Variants in CUZD1 observed in about 807,000 individuals in gnomAD.
CUZD1 encodes the protein CUB and zona pellucida like domains 1, also known as CUB and zona pellucida-like domain-containing protein 1.
CUZD1 carries 42 observed loss-of-function variants against 53.1 expected under a neutral mutation model. The ratio of observed to expected loss-of-function variants is 0.79; its 90% confidence interval spans 0.62 to 1.02. The LOEUF is 1.02. Ranked by LOEUF, CUZD1 falls within the 50% of genes least tolerant of loss-of-function variation. The pLI, the probability that CUZD1 is intolerant of heterozygous loss-of-function variation, is 0.00. For synonymous variants in CUZD1, 238 were observed against 257.2 expected (o/e 0.93, Z 0.71); for missense variants, 670 against 715.7 (o/e 0.94, Z 0.73).
intron 4 of CUZD1, 84 bp from the exon 5 acceptor site, chr10:122,837,132 G>C: frequency 9.0e-7 from 1 of 1,117,308 alleles, no homozygotes. Context: ...CTACTCTTAA[G>C]TGATTATGGA....
rs189458256 is a variant in CUZD1, at chr10:122,839,478, G to A, written c.234-247C>T. On this transcript the variant is annotated intron_variant, in intron 2 of 8. Transcript: ENST00000392790. ...TGTATCAAGTAAATGATGAGGATGCGCCTGGAATCAGAATTCCTTTCCTTC... is the reference window on the plus strand; with the variant it reads ...TGTATCAAGTAAATGATGAGGATGCACCTGGAATCAGAATTCCTTTCCTTC... 9.2e-5 allele frequency among the ~76,000 whole-genome samples: 14 copies of A among 152,260 alleles called. No individual in the cohort carries two copies. The East Asian group carries it at 1.9e-3, about 21-fold the overall frequency.
chr10:122,838,384 C>A (rs553075251), intron 3 of CUZD1, among the ~76,000 whole-genome samples: 1 of 152,180 alleles, frequency 6.6e-6, no homozygotes, highest in Admixed American at 6.5e-5. Flanking sequence ...TGAACCCACT[C>A]GCAGATGTTC....
intron 1 of CUZD1, among the ~76,000 whole-genome samples, chr10:122,841,735 G>A (rs1024173424): frequency 2.0e-5 from 3 of 152,202 alleles, no homozygotes; most frequent in Admixed American, 6.5e-5. Context: ...AACCAATGAT[G>A]TATGAGAGTT....
At chr10:122,834,200 T>A (rs1847207397) in intron 7 of CUZD1, among the ~76,000 whole-genome samples, 1 of 152,214 alleles carries the variant, frequency 6.6e-6, no homozygotes, top group Non-Finnish European at 1.5e-5. Flanking sequence ...CTTCTTTCCT[T>A]ACGTGCTTAT....
In CUZD1 at chr10:122,843,295, G is replaced by A. The variant is rs116000187; in HGVS notation, c.83-1967C>T. Among the ~76,000 whole-genome samples, 375 of 152,258 alleles carry A rather than the reference G, an allele frequency of 2.5e-3. 1 individual carries two copies. Among genetic ancestry groups the A allele is most frequent in the African/African-American group, 8.4e-3 (351 of 41,540 alleles). On this transcript the variant is annotated intron_variant, in intron 1 of 8. Coordinates refer to ENST00000392790, the MANE Select transcript of CUZD1 (RefSeq NM_022034.6). ...GGTACAGTCATCCCTTGGTGTCCAC[G>A]AATGATTGGTTCCAGGACCCCCTGT...
rs35132375 is a variant in CUZD1 at position 122,845,783 on chromosome 10, G to C, written c.61C>G (p.Leu21Val). The part of the protein sequence containing the change: ...TLLILSCLAE[L>V]TMAEAEGNAS... ...TTACCTTCAGCCTCCGCCATTGTCA[G>C]CTCCGCCAAACAGGAGAGAATTAAG... Residue 21 changes from leucine (L) to valine (V), a missense_variant, in exon 1 of 9, where the codon CTG becomes GTG. Transcript: ENST00000392790. The C allele has an allele frequency of 2.3e-4, 370 of 1,613,962 alleles. No homozygotes were observed. In the African/African-American group the frequency reaches 4.6e-3, roughly 20 times the overall value.
intron 3 of CUZD1, chr10:122,837,834 C>T (rs750233948): frequency 1.4e-4 from 38 of 278,496 alleles, no homozygotes; most frequent in South Asian, 9.4e-4. Flanking sequence ...ACCTGAATTG[C>T]GCCATAGAAA....
In CUZD1 at chr10:122,845,749, T is replaced by G. The variant is rs777913061; in HGVS notation, c.82+13A>C. ...CTCTGTTTTGGTGAATAAATCTGGT[T>G]CAATTTTCTTACCTTCAGCCTCCGC... On this transcript the variant is annotated intron_variant, in intron 1 of 8. Transcript: ENST00000392790. 2.5e-5 allele frequency: 41 copies of G among 1,611,734 alleles called. No individual in the cohort carries two copies. The highest frequency in any genetic ancestry group is 3.3e-5 in the Non-Finnish European group (39 of 1,178,848).
chr10:122,838,487 T>G (rs537324125), intron 3 of CUZD1, among the ~76,000 whole-genome samples: 1 of 152,262 alleles, frequency 6.6e-6, no homozygotes, highest in South Asian at 2.1e-4. Context: ...GTCTTAAATT[T>G]CAATGGTGAG....
chr10:122,836,076 TG>T, intron 6 of CUZD1, 101 bp downstream of exon 6: 2 of 1,069,718 alleles, frequency 1.9e-6, no homozygotes, highest in Non-Finnish European at 2.7e-6. Flanking sequence ...CACTAAAATT[TG>T]GGGGTCGTTT....
chr10:122,844,447 T>C (rs1847400848), intron 1 of CUZD1, among the ~76,000 whole-genome samples: 8 of 152,170 alleles, frequency 5.3e-5, no homozygotes, highest in Admixed American at 4.6e-4. Context: ...TTTAAAATGG[T>C]GGATTTTATG....
intron 1 of CUZD1, among the ~76,000 whole-genome samples, chr10:122,845,201 C>T (rs1457200099): frequency 1.3e-5 from 2 of 151,952 alleles, no homozygotes; most frequent in African/African-American, 2.4e-5. Flanking sequence ...CTCAGCCTCC[C>T]GAGTAGCTGG....
At position 122,833,705 on chromosome 10, in the gene CUZD1, G is replaced by A. The variant is rs752627659; in HGVS notation, c.1618C>T (p.Leu540=). 2.5e-6 allele frequency: 4 copies of A among 1,613,666 alleles called. No homozygotes were observed. In the South Asian group the frequency reaches 4.4e-5, roughly 18 times the overall value. ...CCACTTGCACTTCGATCCCTTTTCA[G>A]ACGAATGGGTCCTATGATGGAATCT... ...KTDSIIGPIR[L]KRDRSASGNS... The change falls in exon 8 of 9, where the codon CTG becomes TTG. Residue 540 remains leucine (L), a synonymous_variant. Coordinates refer to ENST00000392790, the MANE Select transcript of CUZD1 (RefSeq NM_022034.6).
In CUZD1 at chr10:122,836,242, C is replaced by T. The variant is rs966469325; in HGVS notation, c.926G>A (p.Arg309Lys). The change falls in exon 6 of 9, where the codon AGA (arginine) becomes AAA (lysine). Residue 309 changes from arginine to lysine, a missense_variant. By Grantham distance (26) the Arg-to-Lys change is conservative. Transcript: ENST00000392790. Reference sequence around the variant, plus strand: ...TTCCACAACATTTGATAATTTTGGTCTGCAAGTTGGGTCTTTTAGTTGCAA... The same window carrying T: ...TTCCACAACATTTGATAATTTTGGTTTGCAAGTTGGGTCTTTTAGTTGCAA... The part of the protein sequence containing the change: ...NNLQLKDPTC[R>K]PKLSNVVEFS... The T allele has an allele frequency of 2.5e-6, 4 of 1,612,556 alleles. No individual in the cohort carries two copies. Among genetic ancestry groups the T allele is most frequent in the Middle Eastern group, 1.6e-4 (1 of 6,074 alleles).
Position 122,839,147 on chromosome 10 carries a change from G to C in CUZD1, c.318C>G (p.Val106=), listed in dbSNP as rs1292226089. The C allele has an allele frequency of 1.9e-6, 3 of 1,614,138 alleles. No homozygotes were observed. Among genetic ancestry groups the C allele is most frequent in the Admixed American group, 3.3e-5 (2 of 60,022 alleles). The stretch of plus-strand genomic sequence containing the variant: ...CAGGAACATAGTCGTTTTTACTGCA[G>C]ACTTGCCCTAGCAGAGGCCCATTGC... The part of the protein sequence containing the change: ...TSSNGPLLGQ[V]CSKNDYVPVF... Residue 106 remains valine, a synonymous_variant, in exon 3 of 9, where the codon GTC becomes GTG. Transcript: ENST00000392790.
At chr10:122,843,806 C>CATATATATATATATATAT (rs1376406613) in intron 1 of CUZD1, among the ~76,000 whole-genome samples, 2 of 127,956 alleles carry the variant, frequency 1.6e-5, no homozygotes, top group African/African-American at 7.0e-5. Flanking sequence ...CATATATATA[C>CATATATATATATATATAT]ATACATATAT....
At position 122,833,776 on chromosome 10, in the gene CUZD1, C is replaced by A; in HGVS notation, c.1547G>T (p.Cys516Phe). Residue 516 changes from cysteine to phenylalanine, a missense_variant, in exon 8 of 9, where the codon TGT becomes TTT. Cys to Phe is a radical substitution (Grantham distance 205). Coordinates refer to ENST00000392790, the MANE Select transcript of CUZD1 (RefSeq NM_022034.6). ...SDHQSRCNQG[C>F]VSRSKRDISS... ...AATGTCTCGTTTGCTTCTGGAGACA[C>A]AACCTTGATTGCAGCGAGACTGGTG... The A allele has an allele frequency of 6.2e-7, 1 of 1,614,004 alleles. No individual in the cohort carries two copies.
chr10:122,834,405 T>TACAAAAACCAAAACGC (rs1321315796), intron 7 of CUZD1, among the ~76,000 whole-genome samples: 37 of 152,274 alleles, frequency 2.4e-4, no homozygotes, highest in African/African-American at 8.9e-4. Flanking sequence ...AACCAAAACG[T>TACAAAAACCAAAACGC]ACAAAAACCA....
In CUZD1 at chr10:122,835,081, AT is replaced by A. The variant is rs1177205726; in HGVS notation, c.1006del (p.Ile336LeufsTer6). On this transcript the variant is annotated frameshift_variant, in exon 7 of 9. Coordinates refer to ENST00000392790, the MANE Select transcript of CUZD1 (RefSeq NM_022034.6). LOFTEE classifies it high-confidence loss of function. ...GTIRKVEDQSITYTNIITFSA... is the reference protein window; with the variant it reads ...GTIRKVEDQSXTYTNIITFSA... Reference sequence around the variant, plus strand: ...AAAGGTGATTATATTGGTGTAAGTAATTGACTGATCTTCTACCTGCAGAACG... The same window carrying A: ...AAAGGTGATTATATTGGTGTAAGTAATGACTGATCTTCTACCTGCAGAACG... 5.7e-6 allele frequency: 9 copies of A among 1,572,026 alleles called. No individual in the cohort carries two copies. Among genetic ancestry groups the A allele is most frequent in the Non-Finnish European group, 7.8e-6 (9 of 1,159,204 alleles).
Sources: gnomAD v4.1 joint callset for allele counts (sites outside exome capture counted in the v4.1 genomes callset) on GRCh38, gnomAD v4.1.1 for gene constraint, MANE v1.5 for transcripts, NCBI Gene and HGNC (gene_info 2026-07-23, HGNC 2026-07-21) for gene names.